Variants in GPAT4 observed in about 807,000 individuals in gnomAD.
GPAT4 encodes the protein glycerol-3-phosphate acyltransferase 4, also known as 1-AGP acyltransferase 6.
Under a neutral mutation model 58.0 loss-of-function variants are expected in GPAT4, and 17 were observed. That is an observed-to-expected ratio of 0.29 (90% CI 0.20 to 0.44). GPAT4 has a LOEUF of 0.44. GPAT4 is among the 20% of genes least tolerant of loss of function. GPAT4 has a pLI of 1.00. For missense variants in GPAT4, 377 were observed against 574.5 expected (o/e 0.66, Z 3.51); for synonymous variants, 204 against 210.1 (o/e 0.97, Z 0.25).
At chr8:41,606,980 G>T (rs1803292260) in intron 2 of GPAT4, among the ~76,000 whole-genome samples, 1 of 152,216 alleles carries the variant, frequency 6.6e-6, no homozygotes. Flanking sequence ...ACAAAAGACA[G>T]TTTCTCCGTT....
chr8:41,587,111 G>GA (rs1042978843), intron 1 of GPAT4, among the ~76,000 whole-genome samples: 13 of 152,184 alleles, frequency 8.5e-5, no homozygotes, highest in Admixed American at 3.9e-4. Context: ...GAGAGTCTCA[G>GA]TTTTTACTAA....
intron 8 of GPAT4, 60 bp from the exon 9 acceptor site, chr8:41,614,326 C>T: frequency 7.1e-7 from 1 of 1,407,154 alleles, no homozygotes; most frequent in East Asian, 2.3e-5. Context: ...TATTTATAAA[C>T]ATATTTTGAC....
Position 41,609,433 on chromosome 8 carries a change from G to C in GPAT4, c.183G>C (p.Met61Ile), listed in dbSNP as rs1372109334. The C allele has an allele frequency of 1.2e-6, 2 of 1,614,188 alleles. No homozygotes were observed. The highest frequency in any genetic ancestry group is 2.7e-5 in the African/African-American group (2 of 75,040). ...CCTCCCAGTGGGCTACCTTGAGAAT[G>C]GAGCGAGGAGCCAAGGAGAAGAACC... is the stretch of plus-strand genomic sequence containing the variant. ...LKIFAWATLR[M>I]ERGAKEKNHQ... Residue 61 changes from methionine (M) to isoleucine (I), a missense_variant, in exon 3 of 13, where the codon ATG becomes ATC. Physicochemically the swap from Met to Ile is conservative, Grantham distance 10 (BLOSUM62 1). Coordinates refer to ENST00000396987, the MANE Select transcript of GPAT4 (RefSeq NM_178819.4).
chr8:41,599,373 C>G, intron 2 of GPAT4, 69 bp downstream of exon 2: 2 of 1,547,612 alleles, frequency 1.3e-6, no homozygotes, highest in Non-Finnish European at 1.8e-6. Context: ...AAAAGTTATT[C>G]TTACAGGCCT....
intron 2 of GPAT4, among the ~76,000 whole-genome samples, chr8:41,606,218 C>T (rs1015223203): frequency 1.3e-5 from 2 of 152,278 alleles, no homozygotes; most frequent in Non-Finnish European, 2.9e-5. Context: ...GTCAGAAGTA[C>T]GAGTCATGTG....
At chr8:41,619,154 GA>G in intron 12 of GPAT4, 177 bp downstream of exon 12, 1 of 724,280 alleles carries the variant, frequency 1.4e-6, no homozygotes, top group Non-Finnish European at 2.3e-6. Flanking sequence ...TGACCTTGGG[GA>G]ACCTGGATCA....
chr8:41,609,505 C>T lies in GPAT4; in HGVS notation c.235+20C>T, dbSNP rs771208301. 3 of 1,613,394 alleles carry T rather than the reference C, an allele frequency of 1.9e-6. No homozygotes were observed. Among genetic ancestry groups the T allele is most frequent in the South Asian group, 2.2e-5 (2 of 91,070 alleles). ...CCAACGGTAAGATGGGGGTGTGATCCTTGTCCTGAGAGGTCCATTTGAACA... is the reference window on the plus strand; with the variant it reads ...CCAACGGTAAGATGGGGGTGTGATCTTTGTCCTGAGAGGTCCATTTGAACA... On this transcript the variant is annotated intron_variant, in intron 3 of 12. Coordinates refer to ENST00000396987, the MANE Select transcript of GPAT4 (RefSeq NM_178819.4).
chr8:41,609,336 A>G, intron 2 of GPAT4, 80 bp from the exon 3 acceptor site: 2 of 1,432,206 alleles, frequency 1.4e-6, no homozygotes, highest in Non-Finnish European at 2.0e-6. Flanking sequence ...TGAGGCTTTC[A>G]CAGAATAGAG....
chr8:41,597,654 A>T (rs1375185034), intron 1 of GPAT4, among the ~76,000 whole-genome samples: 2 of 152,214 alleles, frequency 1.3e-5, no homozygotes, highest in Admixed American at 1.3e-4. Flanking sequence ...AAAAAAAAGT[A>T]AAAATATCAG....
chr8:41,590,666 C>G (rs191631133), intron 1 of GPAT4, among the ~76,000 whole-genome samples: 1 of 152,156 alleles, frequency 6.6e-6, no homozygotes. Context: ...TGTTAGCAAT[C>G]GCAGTGACAG....
chr8:41,585,572 A>G (rs1315399980), intron 1 of GPAT4, among the ~76,000 whole-genome samples: 3 of 152,236 alleles, frequency 2.0e-5, no homozygotes, highest in Admixed American at 1.3e-4. Flanking sequence ...TTTTGTGCCA[A>G]GCACTACACT....
At chr8:41,590,625 A>G (rs1358807546) in intron 1 of GPAT4, among the ~76,000 whole-genome samples, 1 of 152,234 alleles carries the variant, frequency 6.6e-6, no homozygotes, top group African/African-American at 2.4e-5. Context: ...TCCTTAGCGC[A>G]GTGCTGGGCA....
rs1464388851 is a variant in GPAT4, at chr8:41,599,543, CAA to C, written c.165+241_165+242del. 2.6e-5 allele frequency among the ~76,000 whole-genome samples: 4 copies of C among 152,166 alleles called. No individual in the cohort carries two copies. In the East Asian group the frequency reaches 7.7e-4, roughly 29 times the overall value. On this transcript the variant is annotated intron_variant, in intron 2 of 12. Transcript: ENST00000396987. ...GACTCCACATGTTGCCTGTTTATTTCAAAGAGAATGGGGCTTAGAATTAAAGA... is the reference window on the plus strand; with the variant it reads ...GACTCCACATGTTGCCTGTTTATTTCAGAGAATGGGGCTTAGAATTAAAGA...
Position 41,598,463 on chromosome 8 carries a change from C to A in GPAT4, c.-677C>A. The A allele has an allele frequency of 6.6e-6, 1 of 152,356 alleles. No individual in the cohort carries two copies. Among genetic ancestry groups the A allele is most frequent in the Non-Finnish European group, 1.5e-5 (1 of 68,066 alleles). The allele number at this position is 152,356 out of a possible 1,614,324, so 9.4% of individuals were successfully genotyped here. A position where few individuals can be genotyped will look rare whatever the true frequency, so the allele number is the denominator to read the frequency against. ...AGCATCTCTTTCCTTCTGGCAAAGA[C>A]TGTAGCTCTCCAGGTAGGAGGATCC... On this transcript the variant is annotated 5_prime_UTR_variant, in exon 2 of 13. It adds an upstream start codon to the 5' untranslated region. Transcript: ENST00000396987.
rs1803784485 is a variant in GPAT4 at position 41,622,508 on chromosome 8, T to G, written c.*1507T>G. On this transcript the variant is annotated 3_prime_UTR_variant, in exon 13 of 13. Transcript: ENST00000396987. ...CATTCATGCCCCACCAGCCCTCACTTGGGACCCATGCTCCCTCGTGGCACA... is the reference window on the plus strand; with the variant it reads ...CATTCATGCCCCACCAGCCCTCACTGGGGACCCATGCTCCCTCGTGGCACA... 1 of 152,348 alleles carries G rather than the reference T, an allele frequency of 6.6e-6. No individual in the cohort carries two copies. Among genetic ancestry groups the G allele is most frequent in the South Asian group, 2.1e-4 (1 of 4,830 alleles). The allele number at this position is 152,348 out of a possible 1,614,324, so 9.4% of individuals were successfully genotyped here.
At chr8:41,587,402 GC>G (rs1328726856) in intron 1 of GPAT4, among the ~76,000 whole-genome samples, 2 of 152,194 alleles carry the variant, frequency 1.3e-5, no homozygotes, top group Admixed American at 1.3e-4. Context: ...AGTGACAGGG[GC>G]TTAGATGAAT....
intron 10 of GPAT4, among the ~76,000 whole-genome samples, chr8:41,616,135 G>A (rs1327485030): frequency 2.6e-5 from 4 of 152,216 alleles, no homozygotes; most frequent in Non-Finnish European, 5.9e-5. Flanking sequence ...CTGCATTCTG[G>A]CAAAACGAGG....
chr8:41,608,062 C>G (rs914787931), intron 2 of GPAT4, among the ~76,000 whole-genome samples: 1 of 152,186 alleles, frequency 6.6e-6, no homozygotes, highest in East Asian at 1.9e-4. Context: ...TGCTTAGAGC[C>G]AAAAGACATC....
intron 10 of GPAT4, 91 bp downstream of exon 10, chr8:41,615,139 C>T: frequency 8.3e-7 from 1 of 1,198,618 alleles, no homozygotes; most frequent in Non-Finnish European, 1.2e-6. Context: ...GCTGGGGTCA[C>T]CAGTCTGTGG....
Sources: allele counts gnomAD v4.1 joint callset (sites outside exome capture counted in the v4.1 genomes callset), GRCh38; gene constraint gnomAD v4.1.1; transcripts MANE v1.5; gene names NCBI Gene and HGNC (gene_info 2026-07-23, HGNC 2026-07-21).